ATOSA: variants seen among roughly 807,000 people sequenced by gnomAD.
The protein encoded by ATOSA is atos homolog A.
the ATOSA span, among the ~76,000 whole-genome samples, chr15:52,665,998 A>C: frequency 2.0e-5 from 3 of 152,194 alleles, no homozygotes; most frequent in Non-Finnish European, 2.9e-5. Flanking sequence ...ATTAATATGT[A>C]CGTACATTTA....
chr15:52,605,290 C>T, the ATOSA span: 3 of 1,332,908 alleles, frequency 2.3e-6, no homozygotes, highest in African/African-American at 1.5e-5. Flanking sequence ...ATTTAAATAC[C>T]ATTTAAAGAA....
chr15:52,595,177 T>C, the ATOSA span, among the ~76,000 whole-genome samples: 6 of 152,314 alleles, frequency 3.9e-5, no homozygotes, highest in East Asian at 3.9e-4. Context: ...TTAGCAGAGA[T>C]AGTAGATACA....
chr15:52,614,980 A>G, the ATOSA span, among the ~76,000 whole-genome samples: 30 of 152,358 alleles, frequency 2.0e-4, 1 homozygote, highest in Middle Eastern at 0.024. Context: ...TTATTTACAT[A>G]TTAGAAAAAG....
At chr15:52,655,452 T>C in the ATOSA span, among the ~76,000 whole-genome samples, 1 of 152,068 alleles carries the variant, frequency 6.6e-6, no homozygotes, top group Non-Finnish European at 1.5e-5. Flanking sequence ...TACTTCATGA[T>C]CACAGATCAC....
chr15:52,696,563 C>T, the ATOSA span, among the ~76,000 whole-genome samples: 1 of 152,142 alleles, frequency 6.6e-6, no homozygotes, highest in African/African-American at 2.4e-5. Context: ...TTTTCATTTA[C>T]ATCTAACTGA....
chr15:52,608,635 T>A, the ATOSA span: 1 of 1,609,858 alleles, frequency 6.2e-7, no homozygotes, highest in Non-Finnish European at 8.5e-7. Flanking sequence ...TCTCTGAGAA[T>A]AGTTTTGGGA....
chr15:52,687,802 G>A, the ATOSA span, among the ~76,000 whole-genome samples: 1 of 152,170 alleles, frequency 6.6e-6, no homozygotes, highest in Non-Finnish European at 1.5e-5. Context: ...GCCTTTGGCA[G>A]GTAACTGCAG....
chr15:52,644,370 T>C, the ATOSA span, among the ~76,000 whole-genome samples: 1 of 152,220 alleles, frequency 6.6e-6, no homozygotes, highest in Non-Finnish European at 1.5e-5. Flanking sequence ...TACATCCATC[T>C]CATCTGATCC....
At chr15:52,640,807 TG>T in the ATOSA span, among the ~76,000 whole-genome samples, 5 of 152,132 alleles carry the variant, frequency 3.3e-5, no homozygotes, top group Middle Eastern at 6.8e-3. Context: ...TACATACTTA[TG>T]GGGTAACAGT....
At chr15:52,696,131 C>T in the ATOSA span, among the ~76,000 whole-genome samples, 1 of 152,110 alleles carries the variant, frequency 6.6e-6, no homozygotes, top group African/African-American at 2.4e-5. Context: ...GATAGTGGGG[C>T]AAGGGGAGAC....
chr15:52,638,370 C>A, the ATOSA span, among the ~76,000 whole-genome samples: 15 of 151,982 alleles, frequency 9.9e-5, no homozygotes, highest in African/African-American at 3.4e-4. Flanking sequence ...CAAGAGTGAA[C>A]CCTAACGTAA....
chr15:52,628,278 T>G, the ATOSA span, among the ~76,000 whole-genome samples: 1 of 152,310 alleles, frequency 6.6e-6, no homozygotes, highest in African/African-American at 2.4e-5. Flanking sequence ...TATAAAGCCC[T>G]TTGAGCTTCT....
the ATOSA span, among the ~76,000 whole-genome samples, chr15:52,588,947 G>A: frequency 9.2e-5 from 14 of 152,288 alleles, 1 homozygote; most frequent in Middle Eastern, 0.01. Flanking sequence ...CTCTCTGTTG[G>A]GTTCGGAAGT....
the ATOSA span, among the ~76,000 whole-genome samples, chr15:52,679,611 G>C: frequency 6.6e-6 from 1 of 152,218 alleles, no homozygotes; most frequent in Non-Finnish European, 1.5e-5. Flanking sequence ...AGACGTCCCA[G>C]GCACTTCGGT....
At chr15:52,705,418 T>C in the ATOSA span, among the ~76,000 whole-genome samples, 6 of 151,774 alleles carry the variant, frequency 4.0e-5, no homozygotes, top group Non-Finnish European at 8.8e-5. Context: ...GACGAGTTGA[T>C]GGGTGCAGCA....
At chr15:52,678,767 CT>C in the ATOSA span, 1 of 153,138 alleles carries the variant, frequency 6.5e-6, no homozygotes, top group Non-Finnish European at 1.5e-5. Flanking sequence ...TGCTCGCCCC[CT>C]GCTCTGCACA....
the ATOSA span, among the ~76,000 whole-genome samples, chr15:52,659,269 A>C: frequency 6.6e-6 from 1 of 152,200 alleles, no homozygotes; most frequent in Non-Finnish European, 1.5e-5. Context: ...AGGCACATTG[A>C]AAGTGCTTGG....
chr15:52,683,321 G>A, the ATOSA span, among the ~76,000 whole-genome samples: 3 of 152,176 alleles, frequency 2.0e-5, no homozygotes, highest in African/African-American at 7.2e-5. Flanking sequence ...GAAGGCAGCC[G>A]CTTCCTGAAT....
chr15:52,666,188 C>T, the ATOSA span, among the ~76,000 whole-genome samples: 1 of 152,032 alleles, frequency 6.6e-6, no homozygotes, highest in South Asian at 2.1e-4. Context: ...AGAAAAATTC[C>T]CTACTATTTC....
Sources: gnomAD v4.1 joint callset for allele counts (sites outside exome capture counted in the v4.1 genomes callset) on GRCh38, gnomAD v4.1.1 for gene constraint, MANE v1.5 for transcripts, NCBI Gene and HGNC (gene_info 2026-07-23, HGNC 2026-07-21) for gene names.